LARS2: variants seen among roughly 807,000 people sequenced by gnomAD.
LARS2 encodes the protein leucyl-tRNA synthetase 2, mitochondrial, also known as leucine--tRNA ligase, mitochondrial.
LARS2 carries 81 observed loss-of-function variants against 116.6 expected under a neutral mutation model. The ratio of observed to expected loss-of-function variants is 0.69; its 90% CI spans 0.58 to 0.84. LARS2 has a LOEUF of 0.84. Ranked by LOEUF, LARS2 falls within the 40% of genes least tolerant of loss-of-function variation. The pLI, the probability that LARS2 is intolerant of heterozygous loss-of-function variation, is 0.00. For missense variants in LARS2, 968 were observed against 1,114.5 expected (o/e 0.87, Z 1.87); for synonymous variants, 396 against 407.2 (o/e 0.97, Z 0.33).
intron 6 of LARS2, among the ~76,000 whole-genome samples, chr3:45,441,318 C>T (rs1286801318): frequency 6.6e-6 from 1 of 152,214 alleles, no homozygotes; most frequent in African/African-American, 2.4e-5. Context: ...AGCCATTGCA[C>T]CCGGCCCATC....
At chr3:45,403,426 C>T (rs532299619) in intron 4 of LARS2, among the ~76,000 whole-genome samples, 5 of 152,070 alleles carry the variant, frequency 3.3e-5, no homozygotes, top group African/African-American at 1.2e-4. Flanking sequence ...AAGCAATTCT[C>T]CTGCCTCAGC....
chr3:45,458,576 G>C (rs991423392), intron 7 of LARS2, among the ~76,000 whole-genome samples, 167 bp from the exon 8 acceptor site: 1 of 152,082 alleles, frequency 6.6e-6, no homozygotes, highest in Admixed American at 6.5e-5. Context: ...TGTAATCCCA[G>C]CTACTTGGGC....
At chr3:45,500,957 G>A (rs1357061089) in intron 15 of LARS2, among the ~76,000 whole-genome samples, 1 of 151,804 alleles carries the variant, frequency 6.6e-6, no homozygotes, top group African/African-American at 2.4e-5. Context: ...CCACCTTGAT[G>A]CATCCCTCTA....
At chr3:45,541,666 A>G in intron 20 of LARS2, 163 bp from the exon 21 acceptor site, 1 of 779,700 alleles carries the variant, frequency 1.3e-6, no homozygotes, top group Non-Finnish European at 2.0e-6. Context: ...TGGGATTATA[A>G]ACCAGGCCAA....
chr3:45,390,418 T>G (rs1697919930), intron 1 of LARS2, among the ~76,000 whole-genome samples: 1 of 151,568 alleles, frequency 6.6e-6, no homozygotes, highest in Non-Finnish European at 1.5e-5. Context: ...GTTCACGCCA[T>G]TCTCCTGCCT....
At chr3:45,413,218 G>T (rs1313261305) in intron 4 of LARS2, among the ~76,000 whole-genome samples, 1 of 152,204 alleles carries the variant, frequency 6.6e-6, no homozygotes, top group South Asian at 2.1e-4. Context: ...TGAGATTCAG[G>T]TATTAATATC....
chr3:45,494,203 A>G (rs1337906996), intron 13 of LARS2, among the ~76,000 whole-genome samples: 1 of 152,128 alleles, frequency 6.6e-6, no homozygotes, highest in African/African-American at 2.4e-5. Context: ...TGCCAGATCT[A>G]GGGCGCCCAT....
intron 8 of LARS2, among the ~76,000 whole-genome samples, chr3:45,459,924 A>G (rs1171959314): frequency 6.6e-6 from 1 of 152,184 alleles, no homozygotes; most frequent in African/African-American, 2.4e-5. Context: ...GTCCCCTTCC[A>G]TGGTGGCCTG....
intron 15 of LARS2, among the ~76,000 whole-genome samples, chr3:45,503,609 A>T (rs557937060): frequency 1.6e-4 from 24 of 152,020 alleles, no homozygotes; most frequent in Non-Finnish European, 3.5e-4. Flanking sequence ...CTTGTTTTTC[A>T]TCAGGACAAT....
At chr3:45,515,580 G>A (rs183663578) in intron 16 of LARS2, among the ~76,000 whole-genome samples, 34 of 152,276 alleles carry the variant, frequency 2.2e-4, no homozygotes, top group African/African-American at 8.2e-4. Context: ...AATAGGGTGT[G>A]GGTGGCTGGC....
intron 14 of LARS2, 148 bp from the exon 15 acceptor site, chr3:45,500,294 G>A (rs921246704): frequency 6.2e-6 from 5 of 801,290 alleles, no homozygotes; most frequent in Non-Finnish European, 9.4e-6. Context: ...GAGCCACCGC[G>A]CCCGGCCTTC....
chr3:45,461,040 AG>A (rs917635315), intron 8 of LARS2, among the ~76,000 whole-genome samples: 5 of 152,218 alleles, frequency 3.3e-5, no homozygotes, highest in Middle Eastern at 3.4e-3. Flanking sequence ...CCTAAAATCA[AG>A]GGGGAAAAAA....
intron 19 of LARS2, among the ~76,000 whole-genome samples, chr3:45,521,302 C>T (rs917791044): frequency 3.1e-4 from 47 of 152,078 alleles, no homozygotes; most frequent in Non-Finnish European, 3.2e-4. Context: ...AAGACTCCGC[C>T]TCAAAAACAA....
In LARS2 at chr3:45,439,509, G is replaced by C. The variant is rs539292165; in HGVS notation, c.517-7382G>C. Among the ~76,000 whole-genome samples, 143 of 152,146 alleles carry C rather than the reference G, an allele frequency of 9.4e-4. 1 individual carries two copies. Among genetic ancestry groups the C allele is most frequent in the Non-Finnish European group, 1.4e-3 (95 of 68,002 alleles). ...GCTGGGATTACAGGTGTGAGCCAGC[G>C]CGCCCAGCCAACTCTGGCATTTTTA... On this transcript the variant is annotated intron_variant, in intron 6 of 21. Coordinates refer to ENST00000645846, the MANE Select transcript of LARS2 (RefSeq NM_015340.4).
At position 45,391,589 on chromosome 3, in the gene LARS2, A is replaced by T. The variant is rs1697950646; in HGVS notation, c.-81A>T. ...TTATTTTTCTGCTTTTCAGATCCAG[A>T]CCTACAGATAAAAAACATTATTTAA... On this transcript the variant is annotated 5_prime_UTR_variant, in exon 2 of 22. Transcript: ENST00000645846. The T allele has an allele frequency of 6.6e-6, 1 of 151,934 alleles. No individual in the cohort carries two copies. The highest frequency in any genetic ancestry group is 2.4e-5 in the African/African-American group (1 of 41,398). 9.4% of individuals were successfully genotyped at this position (151,934 alleles called of 1,614,324 possible). A position where few individuals can be genotyped will look rare whatever the true frequency, so the allele number is the denominator to read the frequency against.
intron 15 of LARS2, among the ~76,000 whole-genome samples, chr3:45,502,934 T>C (rs1700143282): frequency 6.6e-6 from 1 of 152,106 alleles, no homozygotes; most frequent in Non-Finnish European, 1.5e-5. Context: ...TAATTCTTTA[T>C]CTAATGTCAT....
At chr3:45,438,246 G>A (rs1698837979) in intron 6 of LARS2, among the ~76,000 whole-genome samples, 1 of 152,170 alleles carries the variant, frequency 6.6e-6, no homozygotes, top group African/African-American at 2.4e-5. Flanking sequence ...GTTCACTCAT[G>A]TTGCTTGATT....
intron 15 of LARS2, 122 bp from the exon 16 acceptor site, chr3:45,513,013 A>G: frequency 1.4e-6 from 1 of 712,996 alleles, no homozygotes; most frequent in Non-Finnish European, 2.5e-6. Flanking sequence ...GGCCTTGGTC[A>G]GCCCGCCTGC....
intron 2 of LARS2, among the ~76,000 whole-genome samples, chr3:45,391,958 C>T (rs556905520): frequency 1.2e-4 from 19 of 152,276 alleles, no homozygotes; most frequent in African/African-American, 4.3e-4. Flanking sequence ...CCAGAACACT[C>T]CTTAGGTGTT....
Sources: gnomAD v4.1 joint callset for allele counts (sites outside exome capture counted in the v4.1 genomes callset) on GRCh38, gnomAD v4.1.1 for gene constraint, MANE v1.5 for transcripts, NCBI Gene and HGNC (gene_info 2026-07-23, HGNC 2026-07-21) for gene names.